Variants in KDM2B observed in about 807,000 individuals in gnomAD.
KDM2B encodes the protein lysine-specific demethylase 2B.
KDM2B carries 26 observed loss-of-function variants against 150.0 expected under a neutral mutation model. That is an observed-to-expected ratio of 0.17 (90% CI 0.13 to 0.24). The LOEUF (loss-of-function observed/expected upper bound fraction) is 0.24. Ranked by LOEUF, KDM2B falls within the 10% of genes least tolerant of loss-of-function variation. KDM2B has a pLI of 1.00. For missense variants in KDM2B, 1,265 were observed against 1,816.9 expected, an observed-to-expected ratio of 0.70 and a Z score of 5.52; for synonymous variants, 734 against 729.5, an observed-to-expected ratio of 1.01 and a Z score of -0.10.
Position 121,453,032 on chromosome 12 carries a change from G to A in KDM2B, c.1959+88C>T, listed in dbSNP as rs1244953151. 7.6e-6 allele frequency: 9 copies of A among 1,187,154 alleles called. No homozygotes were observed. In the African/African-American group the frequency reaches 1.1e-4, roughly 14 times the overall value. 73.5% of individuals were successfully genotyped at this position (1,187,154 alleles called of 1,614,324 possible). A position where few individuals can be genotyped will look rare whatever the true frequency, so the allele number is the denominator to read the frequency against. Reference sequence around the variant, plus strand: ...AGCCCCGGCTTCTCTGTGTGCGGAGGGGCGGCCAGAGCGAGCAGCGGTCAG... The same window carrying A: ...AGCCCCGGCTTCTCTGTGTGCGGAGAGGCGGCCAGAGCGAGCAGCGGTCAG... On this transcript the variant is annotated intron_variant, in intron 13 of 22. Coordinates refer to ENST00000377071, the MANE Select transcript of KDM2B (RefSeq NM_032590.5). The surrounding 1 kb of genome is among the most constrained non-coding windows in gnomAD (Gnocchi z 6.4).
chr12:121,444,350 G>T (rs782588158), intron 15 of KDM2B, 78 bp from the exon 16 acceptor site: 70 of 1,606,124 alleles, frequency 4.4e-5, no homozygotes, highest in Non-Finnish European at 5.8e-5. Flanking sequence ...CAGGCCGACG[G>T]CAACCCACCT....
At chr12:121,494,341 AC>A (rs1244215717) in intron 12 of KDM2B, 6 of 456,636 alleles carry the variant, frequency 1.3e-5, no homozygotes, top group Middle Eastern at 6.3e-4. Flanking sequence ...AGGTGTCAGC[AC>A]CCCCCAGTTT....
intron 13 of KDM2B, among the ~76,000 whole-genome samples, chr12:121,450,777 C>T (rs1050655963): frequency 1.3e-5 from 2 of 151,850 alleles, no homozygotes; most frequent in Non-Finnish European, 2.9e-5. Context: ...GGAAAAATGG[C>T]ATGAACCCAG....
intron 10 of KDM2B, among the ~76,000 whole-genome samples, chr12:121,512,408 G>A (rs1885668911): frequency 6.6e-6 from 1 of 152,020 alleles, no homozygotes; most frequent in South Asian, 2.1e-4. Context: ...AGGGATGGAA[G>A]AGGCTTACTG....
In KDM2B at chr12:121,453,094, C is replaced by A; in HGVS notation, c.1959+26G>T. 1.3e-6 allele frequency: 2 copies of A among 1,577,558 alleles called. No individual in the cohort carries two copies. Among genetic ancestry groups the A allele is most frequent in the Non-Finnish European group, 8.6e-7 (1 of 1,163,660 alleles). On this transcript the variant is annotated intron_variant, in intron 13 of 22. Coordinates refer to ENST00000377071, the MANE Select transcript of KDM2B (RefSeq NM_032590.5). The surrounding 1 kb of genome is among the most constrained non-coding windows in gnomAD (Gnocchi z 6.4). ...GGCACGCAGGGGCCTGAATCGAGCGCAGGGCTGGGCGGGGGCCGCACTCAC... is the reference window on the plus strand; with the variant it reads ...GGCACGCAGGGGCCTGAATCGAGCGAAGGGCTGGGCGGGGGCCGCACTCAC...
chr12:121,467,162 T>C lies in KDM2B; in HGVS notation c.1735-13818A>G. On this transcript the variant is annotated intron_variant, in intron 12 of 22. Transcript: ENST00000377071. The surrounding 1 kb of genome is among the most constrained non-coding windows in gnomAD (Gnocchi z 5.1). ...GCCCCACCCCGGGCCGCCGACCTGG[T>C]CCGGCTCCGATTCATAGTCGTCGTC... 1 of 1,123,122 alleles carries C rather than the reference T, an allele frequency of 8.9e-7. No homozygotes were observed. Among genetic ancestry groups the C allele is most frequent in the Non-Finnish European group, 1.1e-6 (1 of 899,302 alleles). The allele number at this position is 1,123,122 out of a possible 1,614,324, so 69.6% of individuals were successfully genotyped here.
chr12:121,556,986 C>G (rs1381357174), intron 4 of KDM2B, among the ~76,000 whole-genome samples: 1 of 151,952 alleles, frequency 6.6e-6, no homozygotes, highest in Non-Finnish European at 1.5e-5. Flanking sequence ...TGACCCAGAT[C>G]GAACAGTAGA....
At chr12:121,483,060 G>A (rs1262599310) in intron 12 of KDM2B, among the ~76,000 whole-genome samples, 3 of 152,052 alleles carry the variant, frequency 2.0e-5, no homozygotes, top group African/African-American at 7.2e-5. Context: ...CTACTCGGGA[G>A]GCTGAGGCAG....
intron 4 of KDM2B, among the ~76,000 whole-genome samples, chr12:121,556,657 C>T (rs766690220): frequency 1.3e-4 from 20 of 152,138 alleles, no homozygotes; most frequent in Non-Finnish European, 2.2e-4. Context: ...TTGAGACTAA[C>T]CTGGACAACA....
the KDM2B span, chr12:121,420,327 A>G: frequency 6.4e-7 from 1 of 1,565,910 alleles, no homozygotes; most frequent in South Asian, 1.2e-5. Context: ...GAAAACGCAG[A>G]GGATCGGGTG....
At chr12:121,560,731 G>C (rs1411997520) in intron 4 of KDM2B, among the ~76,000 whole-genome samples, 3 of 152,190 alleles carry the variant, frequency 2.0e-5, no homozygotes, top group Non-Finnish European at 4.4e-5. Context: ...CTCCCGGTCT[G>C]ATCTGCCACA....
In KDM2B at chr12:121,453,095, A is replaced by C. The variant is rs782054534; in HGVS notation, c.1959+25T>G. ...GCACGCAGGGGCCTGAATCGAGCGC[A>C]GGGCTGGGCGGGGGCCGCACTCACC... On this transcript the variant is annotated intron_variant, in intron 13 of 22. Coordinates refer to ENST00000377071, the MANE Select transcript of KDM2B (RefSeq NM_032590.5). The surrounding 1 kb of genome is among the most constrained non-coding windows in gnomAD (Gnocchi z 6.4). The C allele has an allele frequency of 3.8e-6, 6 of 1,579,518 alleles. No individual in the cohort carries two copies. The highest frequency in any genetic ancestry group is 1.3e-5 in the African/African-American group (1 of 74,266).
At chr12:121,454,660 G>C (rs1187548546) in intron 12 of KDM2B, among the ~76,000 whole-genome samples, 4 of 152,148 alleles carry the variant, frequency 2.6e-5, no homozygotes, top group Non-Finnish European at 5.9e-5. Context: ...GTCCCTGTCA[G>C]GGAGACACGT....
At chr12:121,568,321 G>A (rs949054097) in intron 4 of KDM2B, among the ~76,000 whole-genome samples, 3 of 151,784 alleles carry the variant, frequency 2.0e-5, no homozygotes, top group Admixed American at 1.3e-4. Flanking sequence ...ATATAAAAGC[G>A]TGGTGGCGGG....
At position 121,513,771 on chromosome 12, in the gene KDM2B, A is replaced by T. The variant is rs1257312175; in HGVS notation, c.1048-369T>A. The stretch of plus-strand genomic sequence containing the variant: ...GCCGCTGCCTGATTCTAGCTACAAC[A>T]GACATAGGTTCCTCCTTGTTTCTGA... On this transcript the variant is annotated intron_variant, in intron 9 of 22. Transcript: ENST00000377071. This position sits in a 1 kb window ranked among gnomAD's most constrained non-coding sequence, Gnocchi z 5.0. Among the ~76,000 whole-genome samples, 2 of 152,182 alleles carry T rather than the reference A, an allele frequency of 1.3e-5. No homozygotes were observed. The highest frequency in any genetic ancestry group is 1.3e-4 in the Admixed American group (2 of 15,268).
intron 10 of KDM2B, among the ~76,000 whole-genome samples, chr12:121,511,281 ATTTT>A (rs35590443): frequency 1.8e-5 from 2 of 110,458 alleles, no homozygotes; most frequent in Non-Finnish European, 1.8e-5. Flanking sequence ...AATGCTAGGA[ATTTT>A]TTTTTTTTTT....
chr12:121,449,208 GCAGACT>G (rs1191056977), intron 13 of KDM2B, among the ~76,000 whole-genome samples: 1 of 151,930 alleles, frequency 6.6e-6, no homozygotes, highest in African/African-American at 2.4e-5. Flanking sequence ...ATGTGGGGGG[GCAGACT>G]GCAGGACACC....
chr12:121,527,087 G>A (rs984778066), intron 8 of KDM2B, among the ~76,000 whole-genome samples: 5 of 151,536 alleles, frequency 3.3e-5, no homozygotes, highest in Non-Finnish European at 4.4e-5. Flanking sequence ...TCGCTCTGTC[G>A]CCCAGGCTGG....
At chr12:121,509,451 C>T (rs1885386214) in intron 11 of KDM2B, 116 bp downstream of exon 11, 29 of 1,496,166 alleles carry the variant, frequency 1.9e-5, no homozygotes, top group Non-Finnish European at 2.5e-5. Context: ...AGCGCCCACC[C>T]GAATGCTCAG....
Sources: gnomAD v4.1 joint callset for allele counts (sites outside exome capture counted in the v4.1 genomes callset) on GRCh38, gnomAD v4.1.1 for gene constraint, Gnocchi (gnomAD v3.1) non-coding constraint, MANE v1.5 for transcripts, NCBI Gene and HGNC (gene_info 2026-07-23, HGNC 2026-07-21) for gene names.